The following CLGN variants were observed in gnomAD, a reference collection of about 807,000 sequenced individuals.
CLGN encodes testis tissue sperm-binding protein Li 79P.
A neutral mutation model predicts 79.1 loss-of-function variants in CLGN; 62 were observed. That is an observed-to-expected ratio of 0.78 (90% CI 0.64 to 0.97). The LOEUF (loss-of-function observed/expected upper bound fraction) is 0.97. Among genes scored for constraint, CLGN ranks in the 50% least tolerant of loss-of-function variants. CLGN has a pLI of 0.00. For synonymous variants in CLGN, 225 were observed against 224.7 expected (o/e 1.00, Z -0.01); for missense variants, 647 against 715.5 (o/e 0.90, Z 1.09).
At chr4:140,421,484 T>C (rs1729468488) in intron 1 of CLGN, among the ~76,000 whole-genome samples, 1 of 152,140 alleles carries the variant, frequency 6.6e-6, no homozygotes, top group South Asian at 2.1e-4. Flanking sequence ...TTTTAAATAG[T>C]AGTCATTGTA....
chr4:140,418,233 T>C (rs1729385746), intron 1 of CLGN, among the ~76,000 whole-genome samples: 2 of 151,950 alleles, frequency 1.3e-5, no homozygotes, highest in South Asian at 4.2e-4. Flanking sequence ...ACGTTAGACC[T>C]AAAACCATAA....
Position 140,401,979 on chromosome 4 carries a change from T to C in CLGN, c.501+6A>G, listed in dbSNP as rs1729007738. 1 of 1,450,830 alleles carries C rather than the reference T, an allele frequency of 6.9e-7. No individual in the cohort carries two copies. Among genetic ancestry groups the C allele is most frequent in the African/African-American group, 1.4e-5 (1 of 69,684 alleles). 89.9% of individuals were successfully genotyped at this position (1,450,830 alleles called of 1,614,324 possible). A position where few individuals can be genotyped will look rare whatever the true frequency, so the allele number is the denominator to read the frequency against. Reference sequence around the variant, plus strand: ...TAAGGTTTTCTTAAATATTAAAATATCATACCAGAATCAAATCATCAGTGT... The same window carrying C: ...TAAGGTTTTCTTAAATATTAAAATACCATACCAGAATCAAATCATCAGTGT... On this transcript the variant is annotated splice_donor_region_variant and intron_variant, in intron 6 of 14. Transcript: ENST00000325617.
chr4:140,414,963 AC>A (rs1379155526), intron 1 of CLGN, among the ~76,000 whole-genome samples: 1 of 151,172 alleles, frequency 6.6e-6, no homozygotes, highest in African/African-American at 2.4e-5. Flanking sequence ...AGGTCGGGTT[AC>A]CCTCAAAGGG....
At chr4:140,411,602 A>T (rs909179328) in intron 2 of CLGN, among the ~76,000 whole-genome samples, 2 of 152,030 alleles carry the variant, frequency 1.3e-5, no homozygotes, top group Admixed American at 1.3e-4. Flanking sequence ...AAAAGGGTGC[A>T]GAAATACTTT....
At position 140,400,386 on chromosome 4, in the gene CLGN, G is replaced by A. The variant is rs949033630; in HGVS notation, c.665C>T (p.Thr222Ile). The A allele has an allele frequency of 1.9e-6, 3 of 1,611,846 alleles. No individual in the cohort carries two copies. The highest frequency in any genetic ancestry group is 1.7e-5 in the Admixed American group (1 of 59,694). ...PPDVDLKKFF[T>I]DRKTHLYTLV... is the part of the protein sequence containing the mutation. Reference sequence around the variant, plus strand: ...GGTATAAAGATGAGTCTTCCTGTCTGTAAAGAACTTTTTAAGGTCTACATC... The same window carrying A: ...GGTATAAAGATGAGTCTTCCTGTCTATAAAGAACTTTTTAAGGTCTACATC... Residue 222 changes from threonine to isoleucine, a missense_variant, in exon 7 of 15, where the codon ACA becomes ATA. Coordinates refer to ENST00000325617, the MANE Select transcript of CLGN (RefSeq NM_004362.3).
intron 1 of CLGN, among the ~76,000 whole-genome samples, chr4:140,420,314 T>A (rs1337967096): frequency 6.6e-6 from 1 of 152,162 alleles, no homozygotes; most frequent in Non-Finnish European, 1.5e-5. Context: ...TAGTTGCCAA[T>A]GCTTCAGAAA....
intron 1 of CLGN, among the ~76,000 whole-genome samples, chr4:140,414,540 C>G (rs1373397193): frequency 6.7e-6 from 1 of 150,062 alleles, no homozygotes. Flanking sequence ...GGCTCGAGAA[C>G]TACGTGAAGA....
Position 140,400,361 on chromosome 4 carries a change from G to T in CLGN, c.690C>A (p.Thr230=). 2.5e-6 allele frequency: 4 copies of T among 1,596,992 alleles called. No individual in the cohort carries two copies. The highest frequency in any genetic ancestry group is 3.4e-6 in the Non-Finnish European group (4 of 1,169,192). The part of the protein sequence containing the change: ...FFTDRKTHLY[T]LVMNPDDTFE... ...GAATGAATTAAAAGGGTATACCAAG[G>T]GTATAAAGATGAGTCTTCCTGTCTG... The change falls in exon 7 of 15, where the codon ACC becomes ACA. Residue 230 remains threonine, a synonymous_variant. Coordinates refer to ENST00000325617, the MANE Select transcript of CLGN (RefSeq NM_004362.3).
In CLGN at chr4:140,389,245, T is replaced by A. The variant is rs1728729714; in HGVS notation, c.1812A>T (p.Lys604Asn). The change falls in exon 15 of 15, where the codon AAA (lysine) becomes AAT (asparagine). Residue 604 changes from lysine to asparagine, a missense_variant. Physicochemically the swap from Lys to Asn is moderately conservative, Grantham distance 94. Transcript: ENST00000325617. The part of the protein sequence containing the change: ...SGDGPIKSVR[K>N]RRVRKD The stretch of plus-strand genomic sequence containing the variant: ...TAGTTTAGTCCTTTCGTACTCTTCT[T>A]TTGCGTACTGACTTTATCGGCCCAT... The A allele has an allele frequency of 6.2e-7, 1 of 1,612,378 alleles. No homozygotes were observed. The highest frequency in any genetic ancestry group is 8.5e-7 in the Non-Finnish European group (1 of 1,178,880).
At chr4:140,395,210 G>A (rs1229538592) in intron 10 of CLGN, among the ~76,000 whole-genome samples, 1 of 150,868 alleles carries the variant, frequency 6.6e-6, no homozygotes, top group Admixed American at 6.6e-5. Context: ...GCAGTGGCAC[G>A]ATCTCAGCTC....
intron 1 of CLGN, among the ~76,000 whole-genome samples, chr4:140,414,638 G>A (rs1378553535): frequency 1.4e-5 from 2 of 144,720 alleles, no homozygotes. Context: ...AGCGAGAAGG[G>A]AAGTTTAGAG....
intron 5 of CLGN, 134 bp from the exon 6 acceptor site, chr4:140,402,200 A>T (rs983429077): frequency 3.5e-5 from 17 of 490,462 alleles, no homozygotes; most frequent in East Asian, 2.1e-4. Flanking sequence ...TATAAAGCAT[A>T]TCTACAACCT....
chr4:140,404,659 C>G lies in CLGN; in HGVS notation c.419+1283G>C, dbSNP rs547854007. Among the ~76,000 whole-genome samples the G allele has an allele frequency of 3.4e-5, 5 of 148,476 alleles. No homozygotes were observed. In the East Asian group the frequency reaches 9.8e-4, roughly 29 times the overall value. ...TTCTTGGTCCTCTTTTTTTTTCTTT[C>G]TTTCTTTTTTTTTGAGGCAAGATCT... is the stretch of plus-strand genomic sequence containing the variant. On this transcript the variant is annotated intron_variant, in intron 5 of 14. Transcript: ENST00000325617.
intron 5 of CLGN, among the ~76,000 whole-genome samples, chr4:140,405,189 TTA>T (rs1491106736): frequency 5.1e-5 from 5 of 97,598 alleles, no homozygotes; most frequent in African/African-American, 1.5e-4. Flanking sequence ...ATTTTTTTTT[TTA>T]TTTTTTTTTT....
At chr4:140,409,591 C>G (rs1371107214) in intron 4 of CLGN, among the ~76,000 whole-genome samples, 1 of 152,022 alleles carries the variant, frequency 6.6e-6, no homozygotes, top group Non-Finnish European at 1.5e-5. Context: ...AAAAGACTAA[C>G]AGCAGTAGAG....
intron 4 of CLGN, among the ~76,000 whole-genome samples, chr4:140,407,584 T>A: frequency 1.1e-5 from 1 of 93,616 alleles, no homozygotes; most frequent in African/African-American, 4.3e-5. Context: ...TTACAATGGC[T>A]GCAAAAAAAA....
rs1729179717 is a variant in CLGN at position 140,409,911 on chromosome 4, AACAT to A, written c.219-20_219-17del. On this transcript the variant is annotated splice_polypyrimidine_tract_variant and intron_variant, in intron 3 of 14. Transcript: ENST00000325617. ...TAAGACCCATCTGTAAATAAAGTTG[AACAT>A]ACATATATGTCATTGACAATAAAAG... The A allele has an allele frequency of 6.4e-7, 1 of 1,565,998 alleles. No individual in the cohort carries two copies.
chr4:140,424,612 T>C (rs1428390238), intron 1 of CLGN, among the ~76,000 whole-genome samples: 1 of 152,200 alleles, frequency 6.6e-6, no homozygotes, highest in Non-Finnish European at 1.5e-5. Flanking sequence ...GTTTATATGG[T>C]ATAGGGTAGA....
intron 1 of CLGN, among the ~76,000 whole-genome samples, chr4:140,413,542 G>C (rs531501215): frequency 6.6e-6 from 1 of 152,234 alleles, no homozygotes; most frequent in South Asian, 2.1e-4. Flanking sequence ...TGCCTCACTC[G>C]GGAAGCACAA....
Sources: gnomAD v4.1 joint callset for allele counts (sites outside exome capture counted in the v4.1 genomes callset) on GRCh38, gnomAD v4.1.1 for gene constraint, MANE v1.5 for transcripts, NCBI Gene and HGNC (gene_info 2026-07-23, HGNC 2026-07-21) for gene names.